The following FRAS1 variants were observed in gnomAD, a reference collection of about 807,000 sequenced individuals.
FRAS1 encodes extracellular matrix organizing protein FRAS1.
In FRAS1, 290 loss-of-function variants were observed where a neutral mutation model predicts 435.2. The ratio of observed to expected loss-of-function variants is 0.67; its 90% CI spans 0.61 to 0.73. The LOEUF is 0.73. FRAS1 is among the 30% of genes least tolerant of loss of function. FRAS1 has a pLI of 0.00. For missense variants in FRAS1, 4,860 were observed against 5,001.5 expected (o/e 0.97, Z 0.85); for synonymous variants, 1,800 against 1,851.0 (o/e 0.97, Z 0.71).
At chr4:78,305,676 G>T (rs1301519784) in intron 14 of FRAS1, among the ~76,000 whole-genome samples, 1 of 150,892 alleles carries the variant, frequency 6.6e-6, no homozygotes, top group Non-Finnish European at 1.5e-5. Flanking sequence ...CAGAGACTAG[G>T]ATTGCAACCC....
intron 32 of FRAS1, among the ~76,000 whole-genome samples, chr4:78,417,416 C>G (rs1471588216): frequency 6.6e-6 from 1 of 152,232 alleles, no homozygotes; most frequent in East Asian, 1.9e-4. Flanking sequence ...AGAGCCTATA[C>G]TTTTTTGTCT....
At chr4:78,470,333 C>A (rs1005887650) in intron 51 of FRAS1, among the ~76,000 whole-genome samples, 3 of 152,098 alleles carry the variant, frequency 2.0e-5, no homozygotes, top group Non-Finnish European at 2.9e-5. Flanking sequence ...GTAGGTCAAG[C>A]TAGATAGAAG....
chr4:78,471,886 T>C (rs1347513772), intron 51 of FRAS1, among the ~76,000 whole-genome samples: 1 of 152,068 alleles, frequency 6.6e-6, no homozygotes, highest in African/African-American at 2.4e-5. Context: ...TTAATCTTTT[T>C]CTCTCTCTCT....
intron 2 of FRAS1, among the ~76,000 whole-genome samples, chr4:78,196,716 A>G (rs573496131): frequency 7.2e-5 from 11 of 152,278 alleles, no homozygotes; most frequent in African/African-American, 2.2e-4. Flanking sequence ...TTAAGATTTC[A>G]TATATTCTCT....
intron 2 of FRAS1, among the ~76,000 whole-genome samples, chr4:78,156,847 C>A (rs943289328): frequency 6.6e-6 from 1 of 152,112 alleles, no homozygotes; most frequent in South Asian, 2.1e-4. Flanking sequence ...GTTCCAGAAG[C>A]GGGGGATGGA....
intron 2 of FRAS1, among the ~76,000 whole-genome samples, chr4:78,118,983 A>T: frequency 6.6e-6 from 1 of 150,578 alleles, no homozygotes; most frequent in East Asian, 1.9e-4. Flanking sequence ...TATTTTTTAT[A>T]TTGTGTATGT....
chr4:78,237,028 T>C (rs373943365), intron 2 of FRAS1, among the ~76,000 whole-genome samples: 22 of 152,118 alleles, frequency 1.4e-4, no homozygotes, highest in African/African-American at 5.1e-4. Context: ...CAAATCCTTG[T>C]TTCTGATGAA....
chr4:78,464,661 C>A, intron 49 of FRAS1, 78 bp downstream of exon 49: 1 of 1,499,388 alleles, frequency 6.7e-7, no homozygotes, highest in South Asian at 1.2e-5. Flanking sequence ...TGCAGCTGTG[C>A]ATCCTGATGG....
At chr4:78,172,494 A>G (rs184115776) in intron 2 of FRAS1, among the ~76,000 whole-genome samples, 37 of 152,264 alleles carry the variant, frequency 2.4e-4, no homozygotes, top group African/African-American at 8.7e-4. Context: ...TGACCTAGCC[A>G]TACCTGTTAA....
At chr4:78,206,416 C>T (rs1406697220) in intron 2 of FRAS1, among the ~76,000 whole-genome samples, 1 of 152,140 alleles carries the variant, frequency 6.6e-6, no homozygotes, top group Non-Finnish European at 1.5e-5. Flanking sequence ...GACTTTAGCC[C>T]AGCTAAACCA....
chr4:78,159,180 A>C (rs1451905956), intron 2 of FRAS1, among the ~76,000 whole-genome samples: 1 of 152,216 alleles, frequency 6.6e-6, no homozygotes, highest in East Asian at 1.9e-4. Context: ...CAATGGATGA[A>C]TTCTTCAGAG....
At chr4:78,123,039 GA>G (rs1719118415) in intron 2 of FRAS1, among the ~76,000 whole-genome samples, 1 of 152,178 alleles carries the variant, frequency 6.6e-6, no homozygotes, top group African/African-American at 2.4e-5. Flanking sequence ...TTTTAGACAT[GA>G]AGGCTTTGCC....
chr4:78,302,637 G>T (rs1728471741), intron 14 of FRAS1, among the ~76,000 whole-genome samples: 1 of 151,956 alleles, frequency 6.6e-6, no homozygotes, highest in South Asian at 2.1e-4. Flanking sequence ...GTGTCTTTTG[G>T]CTGCATAAAT....
intron 28 of FRAS1, 103 bp from the exon 29 acceptor site, chr4:78,387,272 T>G: frequency 1.2e-6 from 1 of 857,968 alleles, no homozygotes; most frequent in East Asian, 2.5e-5. Flanking sequence ...GCTAGAACAC[T>G]TAGAGTTTCT....
chr4:78,407,572 A>AG, intron 30 of FRAS1, 91 bp from the exon 31 acceptor site: 1 of 980,018 alleles, frequency 1.0e-6, no homozygotes, highest in South Asian at 1.9e-5. Context: ...ATTTCTTTCT[A>AG]GTTAAAAAAA....
rs764906218 is a variant in FRAS1, at chr4:78,446,785, C to G, written c.5915C>G (p.Ser1972Trp). 1 of 1,613,400 alleles carries G rather than the reference C, an allele frequency of 6.2e-7. No homozygotes were observed. The highest frequency in any genetic ancestry group is 1.7e-5 in the Admixed American group (1 of 59,906). Reference sequence around the variant, plus strand: ...CAGCCCCTCAGAGTGCAGCTGAGCTCGGGAGTGGTGATAAGCAATTCTTCT... The same window carrying G: ...CAGCCCCTCAGAGTGCAGCTGAGCTGGGGAGTGGTGATAAGCAATTCTTCT... ...TLQPLRVQLSSGVVISNSSLS... is the reference protein window; with the variant it reads ...TLQPLRVQLSWGVVISNSSLS... Residue 1972 changes from serine (S) to tryptophan (W), a missense_variant, in exon 43 of 74, where the codon TCG (serine) becomes TGG (tryptophan). Physicochemically the swap from Ser to Trp is radical, Grantham distance 177. Transcript: ENST00000512123.
intron 18 of FRAS1, among the ~76,000 whole-genome samples, chr4:78,320,763 C>T (rs190964475): frequency 2.0e-5 from 3 of 152,052 alleles, no homozygotes; most frequent in African/African-American, 4.8e-5. Context: ...GAACTGTGCA[C>T]CCTGAGGTTT....
chr4:78,267,228 C>T lies in FRAS1; in HGVS notation c.790-13C>T. The T allele has an allele frequency of 6.2e-7, 1 of 1,612,492 alleles. No individual in the cohort carries two copies. Among genetic ancestry groups the T allele is most frequent in the South Asian group, 1.1e-5 (1 of 90,674 alleles). ...CCTGAGGACTGCCCCTCACCTTCCT[C>T]TCTGTGTCCTAGGGTCAGAGCAGGG... On this transcript the variant is annotated splice_polypyrimidine_tract_variant and intron_variant, in intron 8 of 73. Transcript: ENST00000512123.
At chr4:78,113,053 C>A (rs28597965) in intron 2 of FRAS1, among the ~76,000 whole-genome samples, 25,481 of 152,034 alleles carry the variant, frequency 0.17, 2,304 homozygotes, top group Admixed American at 0.2. Flanking sequence ...GTTCAATTCC[C>A]ACCTATGAGT....
Sources: allele counts gnomAD v4.1 joint callset (sites outside exome capture counted in the v4.1 genomes callset), GRCh38; gene constraint gnomAD v4.1.1; transcripts MANE v1.5; gene names NCBI Gene and HGNC (gene_info 2026-07-23, HGNC 2026-07-21).